The following EYA4 variants were observed in gnomAD, a reference collection of about 807,000 sequenced individuals.
EYA4 encodes the protein protein phosphatase EYA4.
In EYA4, 31 loss-of-function variants were observed where a neutral mutation model predicts 87.9. That is an observed-to-expected ratio of 0.35 (90% confidence interval 0.27 to 0.48). The LOEUF is 0.48. EYA4 is among the 20% of genes least tolerant of loss of function. EYA4 has a pLI of 0.99. For missense variants in EYA4, 678 were observed against 761.4 expected, an observed-to-expected ratio of 0.89 and a Z score of 1.29; for synonymous variants, 263 against 270.6, an observed-to-expected ratio of 0.97 and a Z score of 0.28.
At chr6:133,446,407 G>A (rs527386586) in intron 3 of EYA4, among the ~76,000 whole-genome samples, 7 of 151,940 alleles carry the variant, frequency 4.6e-5, no homozygotes, top group South Asian at 2.1e-4. Context: ...ATTACAAACC[G>A]GTTATGAGGC....
intron 2 of EYA4, among the ~76,000 whole-genome samples, chr6:133,312,550 C>T (rs1465185203): frequency 1.3e-5 from 2 of 152,108 alleles, no homozygotes; most frequent in East Asian, 3.8e-4. Context: ...TGTAAAAATA[C>T]GTTATAAACT....
At chr6:133,468,235 T>G (rs921669838) in intron 10 of EYA4, among the ~76,000 whole-genome samples, 1 of 152,056 alleles carries the variant, frequency 6.6e-6, no homozygotes, top group Non-Finnish European at 1.5e-5. Context: ...TTCCATCTCC[T>G]TCTTTCCTCT....
intron 1 of EYA4, among the ~76,000 whole-genome samples, chr6:133,264,818 GTTTCTTTC>G (rs549780999): frequency 3.3e-5 from 5 of 152,054 alleles, no homozygotes; most frequent in South Asian, 2.1e-4. Flanking sequence ...GACAACCTAG[GTTTCTTTC>G]TTTCTTTCTT....
chr6:133,413,712 G>C (rs190929008), intron 3 of EYA4, among the ~76,000 whole-genome samples: 20 of 152,216 alleles, frequency 1.3e-4, no homozygotes, highest in Admixed American at 5.2e-4. Flanking sequence ...TGAATACCCA[G>C]TATATGCTGG....
chr6:133,495,365 TATAA>T (rs950674941), intron 13 of EYA4, among the ~76,000 whole-genome samples: 4 of 147,860 alleles, frequency 2.7e-5, no homozygotes, highest in East Asian at 3.9e-4. Context: ...TTTATTTATT[TATAA>T]ATAAATATAA....
chr6:133,365,983 T>A (rs902700183), intron 2 of EYA4, among the ~76,000 whole-genome samples: 1 of 152,118 alleles, frequency 6.6e-6, no homozygotes, highest in Non-Finnish European at 1.5e-5. Flanking sequence ...TAACTGGCCT[T>A]GTGATAAATG....
In EYA4 at chr6:133,519,753, A is replaced by G. The variant is rs1310368110; in HGVS notation, c.1617-3303A>G. On this transcript the variant is annotated intron_variant, in intron 17 of 19. Transcript: ENST00000355286. ...TTGATGCAAAAATCCTCAATAAAAT[A>G]CTGGCAAAACGAATCCAGCAGCACA... is the stretch of plus-strand genomic sequence containing the variant. Among the ~76,000 whole-genome samples, 7 of 151,376 alleles carry G rather than the reference A, an allele frequency of 4.6e-5. No homozygotes were observed. The South Asian group carries it at 1.1e-3, about 23-fold the overall frequency.
At chr6:133,508,560 G>A (rs1798853956) in intron 14 of EYA4, among the ~76,000 whole-genome samples, 1 of 152,064 alleles carries the variant, frequency 6.6e-6, no homozygotes, top group East Asian at 1.9e-4. Flanking sequence ...ATTTCATTTG[G>A]TTAATTATTT....
intron 1 of EYA4, among the ~76,000 whole-genome samples, chr6:133,271,432 G>A (rs1461092384): frequency 6.6e-6 from 1 of 152,196 alleles, no homozygotes; most frequent in African/African-American, 2.4e-5. Flanking sequence ...CAGTGGAAAA[G>A]GCATTCCGTG....
chr6:133,296,943 G>C (rs971411262), intron 2 of EYA4, among the ~76,000 whole-genome samples: 1 of 152,062 alleles, frequency 6.6e-6, no homozygotes, highest in African/African-American at 2.4e-5. Context: ...ATTTCCCACT[G>C]TGATGGTGGA....
Position 133,439,049 on chromosome 6 carries a change from C to CAAAAAAAAAAAAA in EYA4, c.84-7566_84-7554dup, listed in dbSNP as rs56261819. 7.8e-5 allele frequency among the ~76,000 whole-genome samples: 5 copies of CAAAAAAAAAAAAA among 64,026 alleles called. 1 individual carries two copies. Among genetic ancestry groups the CAAAAAAAAAAAAA allele is most frequent in the African/African-American group, 2.6e-4 (4 of 15,110 alleles). 42.0% of individuals were successfully genotyped at this position (64,026 alleles called of 152,430 possible). ...TGGGTGACAAAGCGAGACTCCGTCT[C>CAAAAAAAAAAAAA]AAAAAAAAAAAAAAAAAAAAAAAAA... On this transcript the variant is annotated intron_variant, in intron 3 of 19. Transcript: ENST00000355286.
chr6:133,474,451 A>C (rs550564729), intron 11 of EYA4, among the ~76,000 whole-genome samples: 26 of 152,214 alleles, frequency 1.7e-4, no homozygotes, highest in Non-Finnish European at 3.8e-4. Context: ...TCACATATGG[A>C]ATTCTGACAT....
intron 3 of EYA4, among the ~76,000 whole-genome samples, chr6:133,428,506 C>T (rs1311756201): frequency 6.6e-6 from 1 of 152,178 alleles, no homozygotes; most frequent in Non-Finnish European, 1.5e-5. Context: ...TTAAACAATA[C>T]TGTAATTTAT....
At chr6:133,345,225 G>C (rs917639275) in intron 2 of EYA4, among the ~76,000 whole-genome samples, 2 of 152,064 alleles carry the variant, frequency 1.3e-5, no homozygotes, top group Non-Finnish European at 2.9e-5. Flanking sequence ...TATTAAATAT[G>C]CTCTTTTCAT....
At chr6:133,385,921 A>G (rs1410938287) in intron 3 of EYA4, among the ~76,000 whole-genome samples, 1 of 152,190 alleles carries the variant, frequency 6.6e-6, no homozygotes, top group African/African-American at 2.4e-5. Context: ...TTACATGTAT[A>G]TAGTATAAGC....
chr6:133,308,213 G>A (rs1391076398), intron 2 of EYA4, among the ~76,000 whole-genome samples: 1 of 152,096 alleles, frequency 6.6e-6, no homozygotes. Flanking sequence ...GACTAATACA[G>A]CTAGTGAGTT....
intron 2 of EYA4, among the ~76,000 whole-genome samples, chr6:133,322,534 T>C (rs972064324): frequency 1.3e-5 from 2 of 152,242 alleles, no homozygotes; most frequent in South Asian, 4.1e-4. Context: ...GAAACTGATG[T>C]TAGTCATGAA....
intron 3 of EYA4, among the ~76,000 whole-genome samples, chr6:133,442,971 A>G (rs1792455738): frequency 6.6e-6 from 1 of 152,088 alleles, no homozygotes; most frequent in South Asian, 2.1e-4. Flanking sequence ...CATTACTGGC[A>G]TAAAGCGCAC....
At chr6:133,474,025 G>A (rs73776037) in intron 11 of EYA4, among the ~76,000 whole-genome samples, 2,595 of 152,116 alleles carry the variant, frequency 0.017, 71 homozygotes, top group African/African-American at 0.059. Context: ...AGATACTTCA[G>A]GGAAGGAGAT....
Sources: gnomAD v4.1 joint callset for allele counts (sites outside exome capture counted in the v4.1 genomes callset) on GRCh38, gnomAD v4.1.1 for gene constraint, MANE v1.5 for transcripts, NCBI Gene and HGNC (gene_info 2026-07-23, HGNC 2026-07-21) for gene names.